Variants in UNC79 observed in about 807,000 individuals in gnomAD.
UNC79 encodes unc-79 subunit of NALCN channel complex, also known as protein unc-79 homolog.
In UNC79, 37 loss-of-function variants were observed where a neutral mutation model predicts 283.1. The ratio of observed to expected loss-of-function variants is 0.13; its 90% CI spans 0.10 to 0.17. The LOEUF (loss-of-function observed/expected upper bound fraction) is 0.17, where lower values mean the gene tolerates loss of function less well. UNC79 is among the 10% of genes least tolerant of loss of function. UNC79 has a pLI of 1.00. For missense variants in UNC79, 2,272 were observed against 3,211.1 expected (o/e 0.71, Z 7.07); for synonymous variants, 1,107 against 1,200.2 (o/e 0.92, Z 1.61).
At chr14:93,411,845 A>G (rs573074916) in intron 1 of UNC79, among the ~76,000 whole-genome samples, 89 of 152,334 alleles carry the variant, frequency 5.8e-4, no homozygotes, top group Non-Finnish European at 9.4e-4. Flanking sequence ...CCAGACCAGG[A>G]AACTGAGAAA....
intron 1 of UNC79, among the ~76,000 whole-genome samples, chr14:93,441,240 A>G (rs930147039): frequency 6.6e-6 from 1 of 152,070 alleles, no homozygotes; most frequent in Non-Finnish European, 1.5e-5. Context: ...AGATATTAAG[A>G]TTATGACCCC....
chr14:93,560,296 C>G (rs544476186), intron 14 of UNC79, among the ~76,000 whole-genome samples: 1 of 152,146 alleles, frequency 6.6e-6, no homozygotes, highest in South Asian at 2.1e-4. Flanking sequence ...TTGTCATGTA[C>G]CAGGCCAGAT....
At chr14:93,675,284 A>G (rs2073239887) in intron 41 of UNC79, among the ~76,000 whole-genome samples, 1 of 152,196 alleles carries the variant, frequency 6.6e-6, no homozygotes, top group Non-Finnish European at 1.5e-5. Context: ...TGTATAAAAC[A>G]CTGTGGAAGA....
At chr14:93,498,011 G>A (rs1360252718) in intron 7 of UNC79, among the ~76,000 whole-genome samples, 1 of 151,100 alleles carries the variant, frequency 6.6e-6, no homozygotes, top group African/African-American at 2.4e-5. Flanking sequence ...ACCCCGATAG[G>A]CTGGGTGCAG....
chr14:93,346,972 G>A (rs1203163721), intron 1 of UNC79, among the ~76,000 whole-genome samples: 1 of 152,038 alleles, frequency 6.6e-6, no homozygotes. Flanking sequence ...GAGCAGAGCA[G>A]GGGTGTGCTG....
chr14:93,648,579 G>T (rs960815906), intron 35 of UNC79, among the ~76,000 whole-genome samples: 1 of 152,156 alleles, frequency 6.6e-6, no homozygotes, highest in Non-Finnish European at 1.5e-5. Flanking sequence ...CTGGGTGGGC[G>T]GGTGTGGCAT....
chr14:93,357,857 A>ATGTG (rs2054137063), intron 1 of UNC79, among the ~76,000 whole-genome samples: 9 of 46,916 alleles, frequency 1.9e-4, no homozygotes, highest in African/African-American at 5.3e-4. Context: ...ATATATGGAT[A>ATGTG]TATATATGGA....
At chr14:93,424,702 C>T (rs1272061168) in intron 1 of UNC79, among the ~76,000 whole-genome samples, 2 of 149,140 alleles carry the variant, frequency 1.3e-5, no homozygotes, top group African/African-American at 5.0e-5. Context: ...GGATGGTTAA[C>T]AGAGTCAGGG....
chr14:93,492,516 G>C (rs913182779), intron 5 of UNC79, among the ~76,000 whole-genome samples: 2 of 152,112 alleles, frequency 1.3e-5, no homozygotes, highest in Non-Finnish European at 2.9e-5. Context: ...ACCATGCCCG[G>C]CTAATTTTTG....
intron 47 of UNC79, among the ~76,000 whole-genome samples, chr14:93,700,114 A>G (rs2141036810): frequency 7.1e-6 from 1 of 139,900 alleles, no homozygotes; most frequent in South Asian, 2.3e-4. Flanking sequence ...TTGCTCCTCC[A>G]TTGTCTTTTT....
intron 38 of UNC79, among the ~76,000 whole-genome samples, chr14:93,656,811 C>T (rs1243412204): frequency 1.3e-5 from 2 of 152,142 alleles, no homozygotes; most frequent in Non-Finnish European, 2.9e-5. Context: ...GCACTCCAGC[C>T]TGGGCAACAG....
At chr14:93,399,020 G>A (rs1303445202) in intron 1 of UNC79, among the ~76,000 whole-genome samples, 1 of 152,176 alleles carries the variant, frequency 6.6e-6, no homozygotes, top group Non-Finnish European at 1.5e-5. Flanking sequence ...GGAGGCCTCA[G>A]GAAACTTACA....
intron 1 of UNC79, among the ~76,000 whole-genome samples, chr14:93,453,437 G>C (rs887657393): frequency 1.3e-5 from 2 of 152,176 alleles, no homozygotes; most frequent in Non-Finnish European, 2.9e-5. Flanking sequence ...AGAGAGCTCA[G>C]TGAAATTTAG....
chr14:93,460,839 G>C (rs1397455063), intron 1 of UNC79, among the ~76,000 whole-genome samples: 1 of 152,178 alleles, frequency 6.6e-6, no homozygotes, highest in Non-Finnish European at 1.5e-5. Context: ...AGCCTGAGCA[G>C]TATAGTGAGA....
intron 8 of UNC79, 134 bp downstream of exon 8, chr14:93,524,176 A>T: frequency 1.0e-6 from 1 of 979,276 alleles, no homozygotes; most frequent in Non-Finnish European, 1.6e-6. Context: ...CTCCATATTC[A>T]ATCTGATTGT....
At chr14:93,675,806 G>A (rs2073293320) in intron 41 of UNC79, among the ~76,000 whole-genome samples, 1 of 152,200 alleles carries the variant, frequency 6.6e-6, no homozygotes, top group Non-Finnish European at 1.5e-5. Context: ...GTCAGTGATT[G>A]CTGGAAAATG....
intron 1 of UNC79, among the ~76,000 whole-genome samples, chr14:93,361,697 C>T (rs1442395672): frequency 6.6e-6 from 1 of 152,068 alleles, no homozygotes; most frequent in Non-Finnish European, 1.5e-5. Context: ...TTTCTCCCAC[C>T]TGATTGCTCT....
intron 1 of UNC79, among the ~76,000 whole-genome samples, chr14:93,352,210 A>G (rs1331305509): frequency 6.6e-6 from 1 of 152,198 alleles, no homozygotes; most frequent in East Asian, 1.9e-4. Context: ...GTGAACTCCC[A>G]TCGGGACACA....
chr14:93,655,758 G>T (rs2070868325), intron 38 of UNC79, among the ~76,000 whole-genome samples: 1 of 151,962 alleles, frequency 6.6e-6, no homozygotes, highest in East Asian at 1.9e-4. Flanking sequence ...TTGTCCAAAA[G>T]CAGCTCAGAC....
Sources: allele counts gnomAD v4.1 joint callset (sites outside exome capture counted in the v4.1 genomes callset), GRCh38; gene constraint gnomAD v4.1.1; transcripts MANE v1.5; gene names NCBI Gene and HGNC (gene_info 2026-07-23, HGNC 2026-07-21).